Variants in TIAM1 observed in about 807,000 individuals in gnomAD.
TIAM1 encodes TIAM Rac1 associated GEF 1.
TIAM1 carries 65 observed loss-of-function variants against 163.5 expected under a neutral mutation model. The ratio of observed to expected loss-of-function variants is 0.40; its 90% CI spans 0.33 to 0.49. The LOEUF (loss-of-function observed/expected upper bound fraction) is 0.49. TIAM1 is among the 20% of genes least tolerant of loss of function. The probability of loss-of-function intolerance (pLI) is 0.77; values close to 1 mark genes in which losing one functional copy is unlikely to be tolerated. For missense variants in TIAM1, 1,789 were observed against 2,044.7 expected, an observed-to-expected ratio of 0.87 and a Z score of 2.41; for synonymous variants, 833 against 810.1, an observed-to-expected ratio of 1.03 and a Z score of -0.48.
In TIAM1 at chr21:31,266,879, G is replaced by A. The variant is rs1206556254; in HGVS notation, c.94C>T (p.Leu32Phe). 3.1e-6 allele frequency: 5 copies of A among 1,613,998 alleles called. No individual in the cohort carries two copies. The African/African-American group carries it at 4.0e-5, about 13-fold the overall frequency. The change falls in exon 4 of 28, where the codon CTC becomes TTC. Residue 32 changes from leucine to phenylalanine, a missense_variant. Transcript: ENST00000541036. ...GRKHTSRSLR[L>F]SHKTRRTRHA... ...CTGGTCCTCCGCGTCTTGTGCGAGA[G>A]GCGCAGGGAGCGGGAAGTGTGCTTG...
chr21:31,389,980 C>T (rs923060268), intron 2 of TIAM1, among the ~76,000 whole-genome samples: 6 of 152,106 alleles, frequency 3.9e-5, no homozygotes. Flanking sequence ...GGGAAAAAGC[C>T]TTGGAACATA....
chr21:31,539,545 G>A (rs1050853752), intron 1 of TIAM1, among the ~76,000 whole-genome samples: 3 of 152,222 alleles, frequency 2.0e-5, no homozygotes, highest in African/African-American at 7.2e-5. Flanking sequence ...GATTACAGGC[G>A]TGAGCCACCG....
At chr21:31,500,192 A>G (rs113126036) in intron 1 of TIAM1, among the ~76,000 whole-genome samples, 6 of 152,266 alleles carry the variant, frequency 3.9e-5, no homozygotes, top group African/African-American at 1.2e-4. Context: ...AAATAAAAAC[A>G]AAGAGGAGTG....
intron 1 of TIAM1, among the ~76,000 whole-genome samples, chr21:31,465,611 C>T (rs1307936637): frequency 6.6e-6 from 1 of 150,676 alleles, no homozygotes; most frequent in Non-Finnish European, 1.5e-5. Context: ...CGCCCTGTTA[C>T]CCAGGCTGGA....
intron 4 of TIAM1, among the ~76,000 whole-genome samples, chr21:31,265,196 A>G (rs2146809904): frequency 6.7e-6 from 1 of 148,992 alleles, no homozygotes; most frequent in Admixed American, 6.8e-5. Context: ...AAACACTTTC[A>G]AAATCTTTTT....
At chr21:31,478,828 C>T (rs1036641135) in intron 1 of TIAM1, among the ~76,000 whole-genome samples, 1 of 152,116 alleles carries the variant, frequency 6.6e-6, no homozygotes, top group African/African-American at 2.4e-5. Context: ...GGGGTGGAGG[C>T]AGCTAGCTGA....
chr21:31,332,237 C>T (rs2075698653), intron 2 of TIAM1, among the ~76,000 whole-genome samples: 1 of 152,192 alleles, frequency 6.6e-6, no homozygotes, highest in African/African-American at 2.4e-5. Flanking sequence ...GCCACGGCAT[C>T]TGAGACTGAA....
intron 1 of TIAM1, among the ~76,000 whole-genome samples, chr21:31,482,060 A>AGTGTGTGTGTGTGTGTGTGTGTGTGTGT (rs10523425): frequency 1.4e-4 from 21 of 145,604 alleles, no homozygotes; most frequent in African/African-American, 4.4e-4. Flanking sequence ...ACTGGGACAA[A>AGTGTGTGTGTGTGTGTGTGTGTGTGTGT]GTGTGTGTGT....
exon 1 of TIAM1, chr21:31,558,968 G>A (rs1280161565): frequency 6.6e-6 from 1 of 151,756 alleles, no homozygotes; most frequent in African/African-American, 2.4e-5. Context: ...GGCCGGGCAC[G>A]ATGCGGGGCA....
At chr21:31,340,708 T>C (rs976315534) in intron 1 of TIAM1, among the ~76,000 whole-genome samples, 1 of 151,986 alleles carries the variant, frequency 6.6e-6, no homozygotes, top group Non-Finnish European at 1.5e-5. Context: ...ACACTTTGCC[T>C]TCATAGAAGC....
chr21:31,297,220 A>G (rs1242867609), intron 2 of TIAM1, among the ~76,000 whole-genome samples: 5 of 152,228 alleles, frequency 3.3e-5, no homozygotes, highest in African/African-American at 4.8e-5. Flanking sequence ...TAAACCAGAC[A>G]AAAGAGGACA....
At chr21:31,508,525 A>G (rs2047108859) in intron 1 of TIAM1, among the ~76,000 whole-genome samples, 1 of 151,452 alleles carries the variant, frequency 6.6e-6, no homozygotes, top group African/African-American at 2.4e-5. Context: ...AGTAGCTGGG[A>G]TTACAGGCAT....
chr21:31,238,085 G>A (rs2070987044), intron 6 of TIAM1, among the ~76,000 whole-genome samples: 1 of 152,086 alleles, frequency 6.6e-6, no homozygotes, highest in Non-Finnish European at 1.5e-5. Context: ...CCTTTCCATG[G>A]GTGAATCTGT....
chr21:31,550,626 G>A (rs1443681803), intron 1 of TIAM1, among the ~76,000 whole-genome samples: 1 of 151,768 alleles, frequency 6.6e-6, no homozygotes, highest in Non-Finnish European at 1.5e-5. Context: ...AAAAAGAGGT[G>A]GAAGTATATC....
At chr21:31,301,112 C>T (rs1166047232) in intron 2 of TIAM1, among the ~76,000 whole-genome samples, 1 of 152,144 alleles carries the variant, frequency 6.6e-6, no homozygotes, top group Admixed American at 6.5e-5. Context: ...AACAACCATA[C>T]ACAACAGCTA....
intron 2 of TIAM1, among the ~76,000 whole-genome samples, chr21:31,350,972 A>T (rs1444767704): frequency 6.6e-6 from 1 of 152,200 alleles, no homozygotes; most frequent in Non-Finnish European, 1.5e-5. Flanking sequence ...ACTTGTAATG[A>T]ATAATGGCTA....
chr21:31,279,858 A>G (rs2073467239), intron 2 of TIAM1, among the ~76,000 whole-genome samples: 1 of 152,202 alleles, frequency 6.6e-6, no homozygotes, highest in African/African-American at 2.4e-5. Flanking sequence ...TAGCAAAATG[A>G]TACCTAATTC....
intron 1 of TIAM1, among the ~76,000 whole-genome samples, chr21:31,478,754 G>A (rs538991940): frequency 3.3e-5 from 5 of 152,172 alleles, no homozygotes; most frequent in South Asian, 2.1e-4. Context: ...TCCAAAGCAC[G>A]CTGTCAGAAG....
chr21:31,294,948 C>T (rs2146930232), intron 2 of TIAM1, among the ~76,000 whole-genome samples: 1 of 152,330 alleles, frequency 6.6e-6, no homozygotes, highest in African/African-American at 2.4e-5. Flanking sequence ...GAACAGCCTG[C>T]CATCTGCGCT....
Sources: gnomAD v4.1 joint callset for allele counts (sites outside exome capture counted in the v4.1 genomes callset) on GRCh38, gnomAD v4.1.1 for gene constraint, MANE v1.5 for transcripts, NCBI Gene and HGNC (gene_info 2026-07-23, HGNC 2026-07-21) for gene names.